The following OSBPL6 variants were observed in gnomAD, a reference collection of about 807,000 sequenced individuals.
OSBPL6 encodes oxysterol binding protein like 6.
Under a neutral mutation model 125.8 loss-of-function variants are expected in OSBPL6, and 49 were observed. The observed-to-expected ratio is 0.39, with a 90% CI of 0.31 to 0.49. OSBPL6 has a LOEUF of 0.49. Among genes scored for constraint, OSBPL6 ranks in the 20% least tolerant of loss-of-function variants. OSBPL6 has a pLI of 0.88. For synonymous variants in OSBPL6, 394 were observed against 391.8 expected (o/e 1.01, Z -0.07); for missense variants, 986 against 1,135.4 (o/e 0.87, Z 1.89).
Position 178,242,264 on chromosome 2 carries a change from T to C in OSBPL6, c.-350-42663T>C, listed in dbSNP as rs2091321633. ...TTTTATTTTTCCCCCTTAACCAATA[T>C]TATTTGACTCCTCTGACATCATCTC... is the stretch of plus-strand genomic sequence containing the variant. On this transcript the variant is annotated intron_variant, in intron 1 of 24. Coordinates refer to ENST00000190611, the MANE Select transcript of OSBPL6 (RefSeq NM_032523.4). Among the ~76,000 whole-genome samples the C allele has an allele frequency of 2.0e-5, 3 of 152,228 alleles. No individual in the cohort carries two copies. The South Asian group carries it at 6.2e-4, about 32-fold the overall frequency.
chr2:178,217,487 C>T lies in OSBPL6; in HGVS notation c.-351+22813C>T, dbSNP rs116216146. 6.9e-3 allele frequency among the ~76,000 whole-genome samples: 1,049 copies of T among 152,126 alleles called. 11 individuals carry two copies. Among genetic ancestry groups the T allele is most frequent in the African/African-American group, 0.024 (976 of 41,488 alleles). ...GGAAAATTTAGCACACAGACACACA[C>T]GAGTTTAGGAGTGGAGGTTTAATAG... On this transcript the variant is annotated intron_variant, in intron 1 of 24. Transcript: ENST00000190611.
At chr2:178,358,635 C>G (rs1196917857) in intron 12 of OSBPL6, among the ~76,000 whole-genome samples, 14 of 152,104 alleles carry the variant, frequency 9.2e-5, no homozygotes, top group Non-Finnish European at 2.1e-4. Context: ...AGACCTGAAA[C>G]TATAAAACTC....
chr2:178,207,590 C>T (rs919734423), intron 1 of OSBPL6, among the ~76,000 whole-genome samples: 1 of 152,074 alleles, frequency 6.6e-6, no homozygotes, highest in African/African-American at 2.4e-5. Flanking sequence ...TTGGTTTTTC[C>T]AGCTGTGAGT....
At chr2:178,336,168 A>C in intron 8 of OSBPL6, 133 bp from the exon 9 acceptor site, 3 of 1,163,188 alleles carry the variant, frequency 2.6e-6, no homozygotes, top group African/African-American at 1.5e-5. Flanking sequence ...CATTTAGCCA[A>C]GAGGCTTCTT....
At chr2:178,358,068 G>A (rs930100210) in intron 12 of OSBPL6, among the ~76,000 whole-genome samples, 11 of 152,134 alleles carry the variant, frequency 7.2e-5, no homozygotes, top group African/African-American at 1.9e-4. Flanking sequence ...AACATCACAC[G>A]CTGGGGCCTG....
chr2:178,392,428 C>T lies in OSBPL6; in HGVS notation c.2463C>T (p.Asn821=), dbSNP rs1035812727. The T allele has an allele frequency of 6.2e-7, 1 of 1,613,928 alleles. No homozygotes were observed. Among genetic ancestry groups the T allele is most frequent in the Non-Finnish European group, 8.5e-7 (1 of 1,179,930 alleles). The part of the protein sequence containing the change: ...CIWRPGSMPT[N]YELYYGFTRF... ...TCTTTCCAGGTTCCATGCCAACAAA[C>T]TATGAGCTGTACTATGGCTTCACAA... Residue 821 remains asparagine, a synonymous_variant, in exon 23 of 25, where the codon AAC becomes AAT. Transcript: ENST00000190611.
At chr2:178,271,022 C>G (rs1229234518) in intron 1 of OSBPL6, among the ~76,000 whole-genome samples, 1 of 152,144 alleles carries the variant, frequency 6.6e-6, no homozygotes, top group East Asian at 1.9e-4. Flanking sequence ...ACCATGTTAT[C>G]TTTACACAGT....
chr2:178,305,290 A>G (rs879664245), intron 2 of OSBPL6, among the ~76,000 whole-genome samples: 1 of 152,220 alleles, frequency 6.6e-6, no homozygotes, highest in African/African-American at 2.4e-5. Context: ...GTTGGAGACA[A>G]GGCCAATTTA....
intron 1 of OSBPL6, among the ~76,000 whole-genome samples, chr2:178,213,106 C>G (rs913838886): frequency 2.0e-5 from 3 of 152,076 alleles, no homozygotes. Context: ...CACGCCCGGC[C>G]GAGCACGGAC....
intron 1 of OSBPL6, among the ~76,000 whole-genome samples, chr2:178,220,303 T>C (rs563829932): frequency 6.6e-6 from 1 of 152,134 alleles, no homozygotes; most frequent in African/African-American, 2.4e-5. Context: ...TTTGGGGGGC[T>C]GGGGAGGCGG....
chr2:178,198,683 G>A (rs1051868033), intron 1 of OSBPL6, among the ~76,000 whole-genome samples: 1 of 151,772 alleles, frequency 6.6e-6, no homozygotes, highest in Non-Finnish European at 1.5e-5. Context: ...AAGAGGTTAA[G>A]TAATCTGCCC....
chr2:178,299,522 C>A (rs911016247), intron 2 of OSBPL6, among the ~76,000 whole-genome samples: 2 of 131,830 alleles, frequency 1.5e-5, no homozygotes, highest in African/African-American at 5.0e-5. Flanking sequence ...TTCTTTCTTT[C>A]CTTCCTTCCT....
Position 178,366,918 on chromosome 2 carries a change from A to G in OSBPL6, c.1287+5103A>G, listed in dbSNP as rs557740590. Among the ~76,000 whole-genome samples, 5 of 152,304 alleles carry G rather than the reference A, an allele frequency of 3.3e-5. No individual in the cohort carries two copies. In the East Asian group the frequency reaches 9.6e-4, roughly 29 times the overall value. On this transcript the variant is annotated intron_variant, in intron 13 of 24. Coordinates refer to ENST00000190611, the MANE Select transcript of OSBPL6 (RefSeq NM_032523.4). ...TTATTAAAAGCCTTAAAATGTTTTT[A>G]CCCTTTTACCCTGTAGGTCCATGGC... is the stretch of plus-strand genomic sequence containing the variant.
intron 3 of OSBPL6, among the ~76,000 whole-genome samples, chr2:178,312,958 T>C (rs1687420150): frequency 6.6e-6 from 1 of 151,382 alleles, no homozygotes; most frequent in Non-Finnish European, 1.5e-5. Context: ...TGCAATGGTG[T>C]GATCTCAGCT....
At chr2:178,337,517 A>G (rs1259300932) in intron 9 of OSBPL6, among the ~76,000 whole-genome samples, 2 of 152,244 alleles carry the variant, frequency 1.3e-5, no homozygotes, top group Non-Finnish European at 2.9e-5. Flanking sequence ...AGAATGATGT[A>G]GCATGGCCCA....
intron 14 of OSBPL6, 28 bp downstream of exon 14, chr2:178,372,261 G>A (rs754844670): frequency 2.0e-6 from 3 of 1,499,828 alleles, no homozygotes; most frequent in African/African-American, 2.8e-5. Context: ...TAGATGCAGA[G>A]TACCTATTTT....
intron 1 of OSBPL6, among the ~76,000 whole-genome samples, chr2:178,276,023 AGATAG>A (rs2092461932): frequency 6.6e-6 from 1 of 152,204 alleles, no homozygotes; most frequent in Admixed American, 6.5e-5. Flanking sequence ...AATTGAGTTA[AGATAG>A]TTTTTTAACT....
At chr2:178,199,231 T>C (rs1420852034) in intron 1 of OSBPL6, among the ~76,000 whole-genome samples, 2 of 152,232 alleles carry the variant, frequency 1.3e-5, no homozygotes, top group Admixed American at 6.5e-5. Flanking sequence ...AGAGCTTTCA[T>C]GTGTCAGTAT....
intron 12 of OSBPL6, among the ~76,000 whole-genome samples, chr2:178,360,972 T>C (rs1692299433): frequency 6.6e-6 from 1 of 152,246 alleles, no homozygotes; most frequent in Non-Finnish European, 1.5e-5. Context: ...AAATAGATGT[T>C]GGAAAGTCAC....
Sources: allele counts gnomAD v4.1 joint callset (sites outside exome capture counted in the v4.1 genomes callset), GRCh38; gene constraint gnomAD v4.1.1; transcripts MANE v1.5; gene names NCBI Gene and HGNC (gene_info 2026-07-23, HGNC 2026-07-21).